Variants in CEP43 observed in about 807,000 individuals in gnomAD.
The protein encoded by CEP43 is FGFR1 oncogene partner.
A neutral mutation model predicts 52.6 loss-of-function variants in CEP43; 36 were observed. The ratio of observed to expected loss-of-function variants is 0.68; its 90% CI spans 0.52 to 0.90. The LOEUF (loss-of-function observed/expected upper bound fraction) is 0.90. Ranked by LOEUF, CEP43 falls within the 40% of genes least tolerant of loss-of-function variation. The probability of loss-of-function intolerance (pLI) is 0.00; values close to 1 mark genes in which losing one functional copy is unlikely to be tolerated. For missense variants in CEP43, 506 were observed against 472.8 expected, an observed-to-expected ratio of 1.07 and a Z score of -0.65; for synonymous variants, 192 against 172.4, an observed-to-expected ratio of 1.11 and a Z score of -0.89.
rs960111823 is a variant in CEP43 at position 167,045,117 on chromosome 6, T to A, written c.*5139T>A. 7 of 151,532 alleles carry A rather than the reference T, an allele frequency of 4.6e-5. No individual in the cohort carries two copies. Among genetic ancestry groups the A allele is most frequent in the African/African-American group, 1.7e-4 (7 of 41,244 alleles). 9.4% of individuals were successfully genotyped at this position (151,532 alleles called of 1,614,324 possible). On this transcript the variant is annotated 3_prime_UTR_variant, in exon 13 of 13. Coordinates refer to ENST00000366847, the MANE Select transcript of CEP43 (RefSeq NM_007045.4). ...ACTTGTATTTTTTTTTTCCTTTTTT[T>A]TTTTTGAGACTGAGTCACTGTCGCC...
chr6:167,010,773 A>G (rs1266122323), intron 5 of CEP43, 40 bp from the exon 6 acceptor site: 1 of 1,076,104 alleles, frequency 9.3e-7, no homozygotes, highest in Non-Finnish European at 1.3e-6. Flanking sequence ...TTTGTGTTTT[A>G]TTTTTAAATG....
chr6:167,034,723 C>T (rs1225363145), intron 12 of CEP43, among the ~76,000 whole-genome samples: 2 of 152,310 alleles, frequency 1.3e-5, no homozygotes, highest in East Asian at 3.9e-4. Context: ...TCAGCAGCAT[C>T]CGTGTTTGCA....
chr6:167,032,943 C>T (rs1175904203), intron 11 of CEP43, among the ~76,000 whole-genome samples: 1 of 152,076 alleles, frequency 6.6e-6, no homozygotes, highest in Non-Finnish European at 1.5e-5. Context: ...GTTGCCGTGT[C>T]ATAAGTGCTG....
At chr6:167,032,685 T>C in intron 11 of CEP43, 43 bp downstream of exon 11, 1 of 1,475,604 alleles carries the variant, frequency 6.8e-7, no homozygotes, top group South Asian at 1.4e-5. Context: ...TATACGTTAT[T>C]TGTAAACAAT....
rs1233423664 is a variant in CEP43, at chr6:167,048,223, A to G, written c.*8245A>G. The G allele has an allele frequency of 6.6e-6, 1 of 152,294 alleles. No individual in the cohort carries two copies. The highest frequency in any genetic ancestry group is 2.1e-4 in the South Asian group (1 of 4,816). 9.4% of individuals were successfully genotyped at this position (152,294 alleles called of 1,614,324 possible). A position where few individuals can be genotyped will look rare whatever the true frequency, so the allele number is the denominator to read the frequency against. Reference sequence around the variant, plus strand: ...GCCTGGGCAACATAGTAAGACCCCTATCTCTACAAAAAATATAAAAATTAG... The same window carrying G: ...GCCTGGGCAACATAGTAAGACCCCTGTCTCTACAAAAAATATAAAAATTAG... On this transcript the variant is annotated 3_prime_UTR_variant, in exon 13 of 13. Transcript: ENST00000366847.
In CEP43 at chr6:167,042,112, TG is replaced by T; in HGVS notation, c.*2136del. On this transcript the variant is annotated 3_prime_UTR_variant, in exon 13 of 13. Transcript: ENST00000366847. Reference sequence around the variant, plus strand: ...GATTACAGGCGTGAACCACCGCACCTGGCCAGTACTACATCCATTTTATTGA... The same window carrying T: ...GATTACAGGCGTGAACCACCGCACCTGCCAGTACTACATCCATTTTATTGA... 1 of 1,007,956 alleles carries T rather than the reference TG, an allele frequency of 9.9e-7. No individual in the cohort carries two copies. Among genetic ancestry groups the T allele is most frequent in the East Asian group, 7.2e-5 (1 of 13,892 alleles). 62.4% of individuals were successfully genotyped at this position (1,007,956 alleles called of 1,614,324 possible).
intron 8 of CEP43, among the ~76,000 whole-genome samples, chr6:167,024,233 C>T (rs780021833): frequency 6.6e-6 from 1 of 151,896 alleles, no homozygotes; most frequent in Non-Finnish European, 1.5e-5. Flanking sequence ...GGATGGAGGA[C>T]GGAGGTTGGA....
intron 9 of CEP43, among the ~76,000 whole-genome samples, chr6:167,025,597 C>T (rs1156806424): frequency 2.6e-5 from 4 of 152,178 alleles, no homozygotes; most frequent in South Asian, 4.1e-4. Context: ...TTGCAGTATG[C>T]GTTTTGCATA....
rs1189877190 is a variant in CEP43 at position 167,051,211 on chromosome 6, A to G, written c.*11233A>G. ...CTACAATAGTCAAGTTATTTATAGTAATTGGGAAAGTTGCAAATCTTGTGA... is the reference window on the plus strand; with the variant it reads ...CTACAATAGTCAAGTTATTTATAGTGATTGGGAAAGTTGCAAATCTTGTGA... On this transcript the variant is annotated 3_prime_UTR_variant, in exon 13 of 13. Transcript: ENST00000366847. The G allele has an allele frequency of 6.6e-6, 1 of 152,198 alleles. No individual in the cohort carries two copies. The highest frequency in any genetic ancestry group is 6.5e-5 in the Admixed American group (1 of 15,278). The allele number at this position is 152,198 out of a possible 1,614,324, so 9.4% of individuals were successfully genotyped here.
At chr6:167,006,778 G>A (rs1054102217) in intron 5 of CEP43, among the ~76,000 whole-genome samples, 1 of 152,154 alleles carries the variant, frequency 6.6e-6, no homozygotes, top group Non-Finnish European at 1.5e-5. Flanking sequence ...TTGTATGGAT[G>A]ACTCTTTAAG....
intron 10 of CEP43, among the ~76,000 whole-genome samples, chr6:167,031,206 T>A (rs1183819243): frequency 6.6e-6 from 1 of 152,176 alleles, no homozygotes; most frequent in Non-Finnish European, 1.5e-5. Flanking sequence ...CAGATGTGCG[T>A]CACTGCTCTG....
chr6:167,007,129 C>CG (rs1405471746), intron 5 of CEP43, among the ~76,000 whole-genome samples: 1 of 152,176 alleles, frequency 6.6e-6, no homozygotes. Flanking sequence ...CACTCTCCAC[C>CG]TTGCACCCCG....
chr6:167,007,361 G>A (rs917510073), intron 5 of CEP43, among the ~76,000 whole-genome samples: 7 of 152,118 alleles, frequency 4.6e-5, no homozygotes, highest in African/African-American at 1.7e-4. Context: ...CTGTGATTCT[G>A]TCAAATAGAG....
In CEP43 at chr6:167,004,109, A is replaced by C. The variant is rs1779798507; in HGVS notation, c.301-155A>C. The C allele has an allele frequency of 1.0e-5, 8 of 797,428 alleles. No individual in the cohort carries two copies. In the South Asian group the frequency reaches 1.8e-4, roughly 18 times the overall value. 49.4% of individuals were successfully genotyped at this position (797,428 alleles called of 1,614,324 possible). A position where few individuals can be genotyped will look rare whatever the true frequency, so the allele number is the denominator to read the frequency against. On this transcript the variant is annotated intron_variant, in intron 4 of 12. Coordinates refer to ENST00000366847, the MANE Select transcript of CEP43 (RefSeq NM_007045.4). ...TTGAAGGTAGAGGCTCTGTAAAAGA[A>C]ATAGGCATAATTTTTTAAAATAGAC...
At chr6:167,032,466 T>C in intron 10 of CEP43, 137 bp from the exon 11 acceptor site, 1 of 650,866 alleles carries the variant, frequency 1.5e-6, no homozygotes, top group Non-Finnish European at 2.4e-6. Context: ...ATATTATATA[T>C]GCTTAAAATG....
In CEP43 at chr6:167,022,607, A is replaced by G. The variant is rs780048176; in HGVS notation, c.778A>G (p.Ile260Val). ...MEGDSFFDDP[I>V]PKPEKTYGLR... is the part of the protein sequence containing the mutation. ...AGGAGATTCTTTCTTTGATGATCCC[A>G]TTCCTAAGCCAGAGAAAACTTACGG... is the stretch of plus-strand genomic sequence containing the variant. The change falls in exon 8 of 13, where the codon ATT becomes GTT. Residue 260 changes from isoleucine (I) to valine (V), a missense_variant. Physicochemically the swap from Ile to Val is conservative, Grantham distance 29. Coordinates refer to ENST00000366847, the MANE Select transcript of CEP43 (RefSeq NM_007045.4). 2 of 1,614,008 alleles carry G rather than the reference A, an allele frequency of 1.2e-6. No homozygotes were observed. Among genetic ancestry groups the G allele is most frequent in the Middle Eastern group, 1.7e-4 (1 of 6,060 alleles).
rs1391400115 is a variant in CEP43 at position 167,041,500 on chromosome 6, C to T, written c.*1522C>T. 3.8e-6 allele frequency: 4 copies of T among 1,056,260 alleles called. No homozygotes were observed. In the African/African-American group the frequency reaches 5.0e-5, roughly 13 times the overall value. The allele number at this position is 1,056,260 out of a possible 1,614,324, so 65.4% of individuals were successfully genotyped here. The stretch of plus-strand genomic sequence containing the variant: ...TGCAGATGTAATCTTGTTGCAGTCC[C>T]CCAGTGTGGTTGTTATAAAATGCAT... On this transcript the variant is annotated 3_prime_UTR_variant, in exon 13 of 13. Transcript: ENST00000366847.
At position 167,010,819 on chromosome 6, in the gene CEP43, C is replaced by T; in HGVS notation, c.445C>T (p.Leu149Phe). ...EKGPTTGEGA[L>F]DLSDVHSPPK... is the part of the protein sequence containing the mutation. ...TTAAACTAAAATATTTTAGGGTGCA[C>T]TTGATCTATCTGATGTACATTCTCC... Residue 149 changes from leucine (L) to phenylalanine (F), a missense_variant, in exon 6 of 13, where the codon CTT becomes TTT. Coordinates refer to ENST00000366847, the MANE Select transcript of CEP43 (RefSeq NM_007045.4). The T allele has an allele frequency of 6.5e-7, 1 of 1,547,040 alleles. No individual in the cohort carries two copies. Among genetic ancestry groups the T allele is most frequent in the Non-Finnish European group, 8.7e-7 (1 of 1,144,418 alleles).
At chr6:167,022,926 A>C (rs1780270629) in intron 8 of CEP43, among the ~76,000 whole-genome samples, 1 of 152,054 alleles carries the variant, frequency 6.6e-6, no homozygotes, top group Non-Finnish European at 1.5e-5. Context: ...GCCCTCAGGA[A>C]GCTCATGCTC....
Sources: gnomAD v4.1 joint callset for allele counts (sites outside exome capture counted in the v4.1 genomes callset) on GRCh38, gnomAD v4.1.1 for gene constraint, MANE v1.5 for transcripts, NCBI Gene and HGNC (gene_info 2026-07-23, HGNC 2026-07-21) for gene names.